KIDINS220: variants seen among roughly 807,000 people sequenced by gnomAD.
KIDINS220 encodes kinase D-interacting substrate of 220 kDa.
KIDINS220 carries 63 observed loss-of-function variants against 157.6 expected under a neutral mutation model. The ratio of observed to expected loss-of-function variants is 0.40; its 90% CI spans 0.33 to 0.49. The LOEUF is 0.49. KIDINS220 is among the 20% of genes least tolerant of loss of function. The probability of loss-of-function intolerance (pLI) is 0.66; values close to 1 mark genes in which losing one functional copy is unlikely to be tolerated. For synonymous variants in KIDINS220, 732 were observed against 783.6 expected (o/e 0.93, Z 1.10); for missense variants, 1,772 against 2,171.2 (o/e 0.82, Z 3.65).
intron 2 of KIDINS220, 140 bp from the exon 3 acceptor site, chr2:8,818,933 G>T: frequency 2.3e-6 from 1 of 431,548 alleles, no homozygotes; most frequent in Admixed American, 4.2e-5. Context: ...TTTAGAAACA[G>T]CTTTGAACTT....
downstream of KIDINS220, chr2:8,721,593 A>T (rs1240240792): frequency 6.6e-6 from 1 of 152,246 alleles, no homozygotes; most frequent in African/African-American, 2.4e-5. Flanking sequence ...GATGATGATG[A>T]TGATACTGAT....
chr2:8,783,941 G>A (rs891147781), intron 17 of KIDINS220, among the ~76,000 whole-genome samples: 3 of 152,026 alleles, frequency 2.0e-5, no homozygotes, highest in Admixed American at 6.5e-5. Context: ...CATATGAGGA[G>A]AAAAAGACCC....
At chr2:8,781,153 A>ATAATATAT (rs70946383) in intron 17 of KIDINS220, among the ~76,000 whole-genome samples, 1 of 130,410 alleles carries the variant, frequency 7.7e-6, no homozygotes, top group African/African-American at 2.8e-5. Flanking sequence ...ATATATATAT[A>ATAATATAT]ATATATATAT....
intron 10 of KIDINS220, 58 bp downstream of exon 10, chr2:8,798,144 G>T: frequency 2.1e-6 from 2 of 947,362 alleles, no homozygotes; most frequent in South Asian, 1.4e-5. Flanking sequence ...GAAATAAAAT[G>T]AGCAGTACTA....
At chr2:8,829,799 T>C (rs1679345609) in intron 1 of KIDINS220, among the ~76,000 whole-genome samples, 1 of 152,134 alleles carries the variant, frequency 6.6e-6, no homozygotes. Flanking sequence ...CTTCTATCAT[T>C]AGAAAGCAGT....
chr2:8,740,302 C>A, intron 26 of KIDINS220: 1 of 356,512 alleles, frequency 2.8e-6, no homozygotes, highest in Non-Finnish European at 3.9e-6. Flanking sequence ...TTCCTCCTCA[C>A]TCTGAACGGA....
intron 29 of KIDINS220, among the ~76,000 whole-genome samples, 174 bp downstream of exon 29, chr2:8,733,270 C>A (rs1156455121): frequency 6.6e-6 from 1 of 152,126 alleles, no homozygotes; most frequent in Non-Finnish European, 1.5e-5. Context: ...ACTGACTGCC[C>A]CTCTCCACAT....
chr2:8,821,177 T>C (rs935975357), intron 2 of KIDINS220, among the ~76,000 whole-genome samples: 6 of 151,400 alleles, frequency 4.0e-5, no homozygotes, highest in African/African-American at 1.5e-4. Context: ...ATAATATAAA[T>C]GTTATAAATA....
At chr2:8,727,372 G>A, downstream of KIDINS220, 1 of 589,388 alleles carries the variant, frequency 1.7e-6, no homozygotes, top group Non-Finnish European at 2.2e-6. Flanking sequence ...ATTCCCTCAA[G>A]TCACTCGCCC....
intron 26 of KIDINS220, among the ~76,000 whole-genome samples, chr2:8,742,369 G>A (rs145098284): frequency 1.3e-5 from 2 of 152,064 alleles, no homozygotes; most frequent in East Asian, 3.9e-4. Flanking sequence ...CCTAAGTGCA[G>A]GCTTACTGCA....
At chr2:8,761,131 G>C (rs1344119382) in intron 22 of KIDINS220, among the ~76,000 whole-genome samples, 1 of 152,100 alleles carries the variant, frequency 6.6e-6, no homozygotes, top group East Asian at 1.9e-4. Context: ...GCTGTTTTAG[G>C]CATCACTAGC....
At chr2:8,747,712 T>C (rs116318195) in intron 25 of KIDINS220, 175 bp downstream of exon 25, 74 of 400,138 alleles carry the variant, frequency 1.8e-4, no homozygotes, top group African/African-American at 1.3e-3. Flanking sequence ...TTTCCTTCCA[T>C]AGATATTTAC....
chr2:8,770,550 T>C, intron 22 of KIDINS220, 120 bp downstream of exon 22: 1 of 512,496 alleles, frequency 2.0e-6, no homozygotes, highest in Non-Finnish European at 3.3e-6. Context: ...TAAGAATGAT[T>C]AAATCCAGGA....
intron 9 of KIDINS220, among the ~76,000 whole-genome samples, chr2:8,799,233 T>C (rs1238507454): frequency 2.6e-5 from 4 of 151,690 alleles, no homozygotes; most frequent in African/African-American, 9.7e-5. Flanking sequence ...CTCATCCTAT[T>C]ACAACTCCCC....
chr2:8,759,644 T>A (rs1482879467), intron 22 of KIDINS220, among the ~76,000 whole-genome samples: 4 of 151,064 alleles, frequency 2.6e-5, no homozygotes, highest in Non-Finnish European at 5.9e-5. Flanking sequence ...GGTATCTGCC[T>A]AGGTTCAAGT....
At position 8,801,359 on chromosome 2, in the gene KIDINS220, T is replaced by G. The variant is rs1265618734; in HGVS notation, c.802-861A>C. On this transcript the variant is annotated intron_variant, in intron 8 of 29. Coordinates refer to ENST00000256707, the MANE Select transcript of KIDINS220 (RefSeq NM_020738.4). ...TATTAAGTTCAGCACCATGCTGTAGTGTGTTAACTACCACATTTATAGCAG... is the reference window on the plus strand; with the variant it reads ...TATTAAGTTCAGCACCATGCTGTAGGGTGTTAACTACCACATTTATAGCAG... 2.0e-5 allele frequency among the ~76,000 whole-genome samples: 3 copies of G among 152,308 alleles called. No individual in the cohort carries two copies. In the East Asian group the frequency reaches 5.8e-4, roughly 29 times the overall value.
intron 27 of KIDINS220, among the ~76,000 whole-genome samples, chr2:8,735,591 T>C (rs1446040092): frequency 6.6e-6 from 1 of 152,162 alleles, no homozygotes; most frequent in East Asian, 1.9e-4. Flanking sequence ...GTAATTCTAG[T>C]TTCCCCTAAA....
Position 8,791,238 on chromosome 2 carries a change from ACAT to A in KIDINS220, c.1277-17_1277-15del. ...GAGACAAGTGTCCTGTAATTAAAAC[ACAT>A]CATATCTTACATTAAACAGTGGCAT... On this transcript the variant is annotated splice_polypyrimidine_tract_variant and intron_variant, in intron 12 of 29. Coordinates refer to ENST00000256707, the MANE Select transcript of KIDINS220 (RefSeq NM_020738.4). 1 of 1,604,890 alleles carries A rather than the reference ACAT, an allele frequency of 6.2e-7. No homozygotes were observed. The highest frequency in any genetic ancestry group is 8.5e-7 in the Non-Finnish European group (1 of 1,172,898).
chr2:8,756,069 G>A (rs1667972847), intron 22 of KIDINS220, among the ~76,000 whole-genome samples: 1 of 152,202 alleles, frequency 6.6e-6, no homozygotes, highest in African/African-American at 2.4e-5. Context: ...ACTTCAGGTA[G>A]TATTGACATC....
Sources: allele counts gnomAD v4.1 joint callset (sites outside exome capture counted in the v4.1 genomes callset), GRCh38; gene constraint gnomAD v4.1.1; transcripts MANE v1.5; gene names NCBI Gene and HGNC (gene_info 2026-07-23, HGNC 2026-07-21).